The following RNF43 variants were observed in gnomAD, a reference collection of about 807,000 sequenced individuals.
RNF43 encodes the protein E3 ubiquitin-protein ligase RNF43.
A neutral mutation model predicts 78.4 loss-of-function variants in RNF43; 37 were observed. The observed-to-expected ratio is 0.47, with a 90% confidence interval of 0.36 to 0.62. RNF43 has a LOEUF of 0.62. Ranked by LOEUF, RNF43 falls within the 20% of genes least tolerant of loss-of-function variation. The pLI, the probability that RNF43 is intolerant of heterozygous loss-of-function variation, is 0.00. For missense variants in RNF43, 774 were observed against 1,007.9 expected, an observed-to-expected ratio of 0.77 and a Z score of 3.14; for synonymous variants, 347 against 395.0, an observed-to-expected ratio of 0.88 and a Z score of 1.44.
chr17:58,413,545 A>G (rs2143687827), intron 2 of RNF43, among the ~76,000 whole-genome samples: 2 of 152,286 alleles, frequency 1.3e-5, no homozygotes, highest in South Asian at 4.1e-4. Flanking sequence ...CCTCTTCACA[A>G]AGTAAAAGCA....
Position 58,415,760 on chromosome 17 carries a change from C to T in RNF43, c.-183G>A. ...TTATTCCCAAAAACAGGTAGCATTC[C>T]TGATTGGGCAGAGAAGAGGATATTT... On this transcript the variant is annotated 5_prime_UTR_variant, in exon 2 of 10. Transcript: ENST00000407977. 1 of 649,152 alleles carries T rather than the reference C, an allele frequency of 1.5e-6. No homozygotes were observed. The highest frequency in any genetic ancestry group is 2.7e-5 in the East Asian group (1 of 36,532). The allele number at this position is 649,152 out of a possible 1,614,324, so 40.2% of individuals were successfully genotyped here.
chr17:58,411,207 A>C (rs184036899), intron 2 of RNF43, among the ~76,000 whole-genome samples: 8 of 152,306 alleles, frequency 5.3e-5, no homozygotes, highest in Admixed American at 4.6e-4. Context: ...TCAACTTCAC[A>C]GCCTGGGAAT....
intron 2 of RNF43, among the ~76,000 whole-genome samples, chr17:58,397,055 A>C (rs1400763562): frequency 6.6e-6 from 1 of 152,094 alleles, no homozygotes; most frequent in Admixed American, 6.5e-5. Context: ...AAAAAAAAAA[A>C]AAACTCCGTG....
chr17:58,410,387 T>A (rs1269499448), intron 2 of RNF43, among the ~76,000 whole-genome samples: 1 of 152,228 alleles, frequency 6.6e-6, no homozygotes, highest in Admixed American at 6.5e-5. Flanking sequence ...AGAATGTTTG[T>A]GCGCACAGAG....
chr17:58,387,536 A>G (rs764047948), intron 2 of RNF43, among the ~76,000 whole-genome samples: 9 of 152,048 alleles, frequency 5.9e-5, no homozygotes, highest in Non-Finnish European at 1.2e-4. Context: ...CTGTAATCCC[A>G]GGTACTCAAG....
chr17:58,416,254 C>T (rs1441657496), intron 1 of RNF43: 2 of 152,566 alleles, frequency 1.3e-5, no homozygotes, highest in Non-Finnish European at 2.9e-5. Flanking sequence ...GGTTTCTAGG[C>T]CCACTGCATT....
rs1201864836 is a variant in RNF43 at position 58,417,251 on chromosome 17, G to A, written c.-620C>T. 5 of 152,220 alleles carry A rather than the reference G, an allele frequency of 3.3e-5. No individual in the cohort carries two copies. Among genetic ancestry groups the A allele is most frequent in the Non-Finnish European group, 7.3e-5 (5 of 68,054 alleles). The allele number at this position is 152,220 out of a possible 1,614,324, so 9.4% of individuals were successfully genotyped here. On this transcript the variant is annotated 5_prime_UTR_variant, in exon 1 of 10. Coordinates refer to ENST00000407977, the MANE Select transcript of RNF43 (RefSeq NM_017763.6). ...GGCAGAAATTTACTCCGGGATGAGA[G>A]ATGCTGTCCCCTAGAACTAAATTAA...
At chr17:58,368,547 G>A (rs7219031) in intron 3 of RNF43, among the ~76,000 whole-genome samples, 20,464 of 135,186 alleles carry the variant, frequency 0.15, 1,690 homozygotes, top group Middle Eastern at 0.25. Flanking sequence ...ACTCCATCTC[G>A]TTAAAAAAAA....
chr17:58,398,672 T>C (rs1042476239), intron 2 of RNF43, among the ~76,000 whole-genome samples: 2 of 152,198 alleles, frequency 1.3e-5, no homozygotes, highest in African/African-American at 4.8e-5. Context: ...TAGCACTGTA[T>C]TGCTCAGTAT....
chr17:58,385,781 G>C lies in RNF43; in HGVS notation c.253-14748C>G, dbSNP rs147265890. On this transcript the variant is annotated intron_variant, in intron 2 of 9. Coordinates refer to ENST00000407977, the MANE Select transcript of RNF43 (RefSeq NM_017763.6). ...TGCATTTCAACTCTATCTCTTCCAA[G>C]CTGTGGGTAACCTAATCTCTCTAAG... Among the ~76,000 whole-genome samples, 521 of 152,286 alleles carry C rather than the reference G, an allele frequency of 3.4e-3. 1 individual carries two copies. Among genetic ancestry groups the C allele is most frequent in the African/African-American group, 0.012 (507 of 41,550 alleles).
rs774676773 is a variant in RNF43, at chr17:58,358,038, G to A, written c.1738C>T (p.Pro580Ser). ...TGGGGCTGTGTCCGAGGAATAGGAG[G>A]CCTGGACTGGGGGACTCCGGTTTCT... The part of the protein sequence containing the change: ...GPETGVPQSR[P>S]PIPRTQPQPE... Residue 580 changes from proline (P) to serine (S), a missense_variant, in exon 9 of 10, where the codon CCT becomes TCT. Pro to Ser is a moderately conservative substitution (Grantham distance 74, BLOSUM62 -1). Transcript: ENST00000407977. This position sits in a 1 kb window ranked among gnomAD's most constrained non-coding sequence, Gnocchi z 6.2. 2.5e-6 allele frequency: 4 copies of A among 1,590,414 alleles called. No homozygotes were observed. The highest frequency in any genetic ancestry group is 3.4e-6 in the Non-Finnish European group (4 of 1,168,614).
At position 58,370,891 on chromosome 17, in the gene RNF43, A is replaced by T; in HGVS notation, c.375+20T>A. 6.3e-7 allele frequency: 1 copy of T among 1,576,348 alleles called. No individual in the cohort carries two copies. Among genetic ancestry groups the T allele is most frequent in the Non-Finnish European group, 8.6e-7 (1 of 1,159,474 alleles). On this transcript the variant is annotated intron_variant, in intron 3 of 9. Coordinates refer to ENST00000407977, the MANE Select transcript of RNF43 (RefSeq NM_017763.6). ...GCTGGGTGAAGCTCCGGGTGTGTGT[A>T]GGGCGAAGTGTGAGTCTACCTTGCT...
chr17:58,357,640 T>C lies in RNF43; in HGVS notation c.2136A>G (p.Pro712=). ...GPPGLDKRLL[P]ETPGPCYSNS... Reference sequence around the variant, plus strand: ...TTGAGTAACAGGGGCCTGGGGTTTCTGGTAGCAGCCTCTTGTCCAGGCCTG... The same window carrying C: ...TTGAGTAACAGGGGCCTGGGGTTTCCGGTAGCAGCCTCTTGTCCAGGCCTG... The change falls in exon 9 of 10, where the codon CCA becomes CCG. Residue 712 remains proline (P), a synonymous_variant. Coordinates refer to ENST00000407977, the MANE Select transcript of RNF43 (RefSeq NM_017763.6). The surrounding 1 kb of genome is among the most constrained non-coding windows in gnomAD (Gnocchi z 4.5). 6.2e-7 allele frequency: 1 copy of C among 1,613,908 alleles called. No individual in the cohort carries two copies. The highest frequency in any genetic ancestry group is 8.5e-7 in the Non-Finnish European group (1 of 1,179,878).
chr17:58,356,984 CT>C, intron 9 of RNF43: 1 of 473,050 alleles, frequency 2.1e-6, no homozygotes. Flanking sequence ...ACTTCCGCCT[CT>C]TAGGTTCACG....
At chr17:58,405,068 CTTTTTTT>C (rs35147601) in intron 2 of RNF43, among the ~76,000 whole-genome samples, 1,385 of 79,576 alleles carry the variant, frequency 0.017, 18 homozygotes, top group African/African-American at 0.066. Context: ...TGTAGTACTT[CTTTTTTT>C]TTTTTTTTTT....
chr17:58,408,853 G>A (rs1973967412), intron 2 of RNF43, among the ~76,000 whole-genome samples: 1 of 152,190 alleles, frequency 6.6e-6, no homozygotes, highest in Non-Finnish European at 1.5e-5. Context: ...TGCCCAAGGA[G>A]TAAGTATACT....
In RNF43 at chr17:58,382,993, T is replaced by TA. The variant is rs891101844; in HGVS notation, c.253-11961dup. On this transcript the variant is annotated intron_variant, in intron 2 of 9. Transcript: ENST00000407977. ...CCATTTAGAGACTATTACAAACAATTAAAAAAAATCCCTGCAGTATTGACA... is the reference window on the plus strand; with the variant it reads ...CCATTTAGAGACTATTACAAACAATTAAAAAAAAATCCCTGCAGTATTGACA... 3.9e-5 allele frequency among the ~76,000 whole-genome samples: 6 copies of TA among 152,088 alleles called. No individual in the cohort carries two copies. The East Asian group carries it at 5.8e-4, about 15-fold the overall frequency.
intron 2 of RNF43, among the ~76,000 whole-genome samples, chr17:58,399,021 C>T (rs2143635174): frequency 6.6e-6 from 1 of 152,338 alleles, no homozygotes; most frequent in East Asian, 1.9e-4. Context: ...CCACGCCCCA[C>T]TGGTCTCCTA....
rs574082188 is a variant in RNF43, at chr17:58,368,470, C to T, written c.375+2441G>A. ...GGCTGAGGTAGAGAATTGCTTGAAC[C>T]CTGGAGGCGGAGGTTGCAGTGAGCT... On this transcript the variant is annotated intron_variant, in intron 3 of 9. Transcript: ENST00000407977. 2.6e-5 allele frequency among the ~76,000 whole-genome samples: 4 copies of T among 152,184 alleles called. No homozygotes were observed. The South Asian group carries it at 8.3e-4, about 32-fold the overall frequency.
Sources: gnomAD v4.1 joint callset for allele counts (sites outside exome capture counted in the v4.1 genomes callset) on GRCh38, gnomAD v4.1.1 for gene constraint, Gnocchi (gnomAD v3.1) non-coding constraint, MANE v1.5 for transcripts, NCBI Gene and HGNC (gene_info 2026-07-23, HGNC 2026-07-21) for gene names.